Variants in DOCK4 observed in about 807,000 individuals in gnomAD.
The protein encoded by DOCK4 is dedicator of cytokinesis 4, also known as dedicator of cytokinesis protein 4.
In DOCK4, 97 loss-of-function variants were observed where a neutral mutation model predicts 268.1. The ratio of observed to expected loss-of-function variants is 0.36; its 90% confidence interval spans 0.31 to 0.43. DOCK4 has a LOEUF of 0.43. Ranked by LOEUF, DOCK4 falls within the 20% of genes least tolerant of loss-of-function variation. The pLI, the probability that DOCK4 is intolerant of heterozygous loss-of-function variation, is 1.00. For missense variants in DOCK4, 2,145 were observed against 2,455.7 expected (o/e 0.87, Z 2.67); for synonymous variants, 954 against 887.2 (o/e 1.08, Z -1.34).
intron 1 of DOCK4, among the ~76,000 whole-genome samples, chr7:112,187,649 T>G (rs73440639): frequency 0.017 from 2,537 of 152,158 alleles, 77 homozygotes; most frequent in African/African-American, 0.057. Context: ...AGGTGGAAAA[T>G]AAGAATGTCA....
rs950914396 is a variant in DOCK4 at position 111,999,548 on chromosome 7, C to T, written c.162+946G>A. On this transcript the variant is annotated intron_variant, in intron 3 of 52. Transcript: ENST00000428084. ...AATACTGAAGCTATATTTGCATGTG[C>T]CTCATAGATATATAAAAACAATGTT... Among the ~76,000 whole-genome samples the T allele has an allele frequency of 5.3e-5, 8 of 151,668 alleles. No homozygotes were observed. In the South Asian group the frequency reaches 1.7e-3, roughly 32 times the overall value.
At chr7:111,837,247 A>G (rs1454524133) in intron 25 of DOCK4, among the ~76,000 whole-genome samples, 2 of 152,172 alleles carry the variant, frequency 1.3e-5, no homozygotes, top group East Asian at 3.9e-4. Context: ...GAGAACTAAA[A>G]GGAAAAAAAA....
chr7:112,023,533 G>C (rs1802521009), intron 1 of DOCK4: 1 of 389,714 alleles, frequency 2.6e-6, no homozygotes, highest in Non-Finnish European at 5.0e-6. Context: ...CACAACATTA[G>C]ATGACATCAT....
intron 12 of DOCK4, chr7:111,935,322 G>T (rs191969555): frequency 4.1e-5 from 24 of 582,862 alleles, no homozygotes; most frequent in African/African-American, 3.8e-4. Flanking sequence ...TATCTTTTTC[G>T]TTTCAACAAG....
At chr7:111,863,108 G>C in intron 23 of DOCK4, 1 of 425,202 alleles carries the variant, frequency 2.4e-6, no homozygotes, top group African/African-American at 2.0e-5. Context: ...TCAGGTACCT[G>C]TAAGCATCTC....
chr7:112,027,897 T>G (rs1408927956), intron 1 of DOCK4, among the ~76,000 whole-genome samples: 1 of 152,158 alleles, frequency 6.6e-6, no homozygotes, highest in African/African-American at 2.4e-5. Flanking sequence ...TTTTCCGAAC[T>G]CACAGTCTAG....
chr7:112,118,133 A>AAT (rs71867772), intron 1 of DOCK4, among the ~76,000 whole-genome samples: 48,345 of 148,456 alleles, frequency 0.33, 7,831 homozygotes, highest in African/African-American at 0.36. Context: ...TCTTATTTAT[A>AAT]ATATATATAT....
intron 1 of DOCK4, among the ~76,000 whole-genome samples, chr7:112,098,470 T>C (rs259302): frequency 0.92 from 138,858 of 151,180 alleles, 63,978 homozygotes; most frequent in East Asian, 1. Flanking sequence ...AGCCACAGCG[T>C]CCAGCCTATA....
intron 30 of DOCK4, among the ~76,000 whole-genome samples, chr7:111,792,688 G>A (rs1164842334): frequency 1.3e-5 from 2 of 152,048 alleles, no homozygotes; most frequent in African/African-American, 2.4e-5. Context: ...TGGCTTACAG[G>A]GTTTTTTTTA....
At chr7:111,972,309 G>A (rs1797778022) in intron 8 of DOCK4, among the ~76,000 whole-genome samples, 1 of 151,448 alleles carries the variant, frequency 6.6e-6, no homozygotes, top group South Asian at 2.1e-4. Context: ...CAGAGCACGG[G>A]GTCTGCAGCT....
intron 1 of DOCK4, among the ~76,000 whole-genome samples, chr7:112,072,811 T>C (rs1282323927): frequency 6.6e-6 from 1 of 152,202 alleles, no homozygotes; most frequent in Non-Finnish European, 1.5e-5. Flanking sequence ...AAATGCACAC[T>C]AAGAGGTAAA....
Position 111,726,269 on chromosome 7 carries a change from A to C in DOCK4, c.*2005T>G, listed in dbSNP as rs1794650178. The C allele has an allele frequency of 6.6e-6, 1 of 152,652 alleles. No individual in the cohort carries two copies. Among genetic ancestry groups the C allele is most frequent in the South Asian group, 2.1e-4 (1 of 4,832 alleles). 9.5% of individuals were successfully genotyped at this position (152,652 alleles called of 1,614,324 possible). A position where few individuals can be genotyped will look rare whatever the true frequency, so the allele number is the denominator to read the frequency against. On this transcript the variant is annotated 3_prime_UTR_variant, in exon 53 of 53. Coordinates refer to ENST00000428084, the MANE Select transcript of DOCK4 (RefSeq NM_001363540.2). ...GATAAATTCAACTGCTCACTGCCAA[A>C]ATTTTTTTTAAAAAATGGCTCCAAG...
intron 23 of DOCK4, among the ~76,000 whole-genome samples, chr7:111,861,969 G>A (rs935238491): frequency 1.3e-5 from 2 of 151,886 alleles, no homozygotes; most frequent in Non-Finnish European, 2.9e-5. Flanking sequence ...CTAGACAGGA[G>A]GACCTTGAGT....
chr7:111,866,526 T>C (rs990904622), intron 22 of DOCK4, among the ~76,000 whole-genome samples: 1 of 152,220 alleles, frequency 6.6e-6, no homozygotes, highest in Non-Finnish European at 1.5e-5. Context: ...AAGTTGTTTC[T>C]AAAATTTGCT....
intron 1 of DOCK4, among the ~76,000 whole-genome samples, chr7:112,033,776 T>C (rs1432213412): frequency 1.3e-5 from 2 of 152,206 alleles, no homozygotes; most frequent in Non-Finnish European, 2.9e-5. Flanking sequence ...AGCCACTACA[T>C]TCCTGTTGAA....
At chr7:112,044,109 G>C (rs1277059328) in intron 1 of DOCK4, among the ~76,000 whole-genome samples, 1 of 152,140 alleles carries the variant, frequency 6.6e-6, no homozygotes, top group African/African-American at 2.4e-5. Flanking sequence ...CTGAAGCACA[G>C]AGAAGCTATA....
chr7:112,183,412 A>G (rs1007276487), intron 1 of DOCK4, among the ~76,000 whole-genome samples: 1 of 152,186 alleles, frequency 6.6e-6, no homozygotes, highest in Non-Finnish European at 1.5e-5. Flanking sequence ...ATTGATGAGA[A>G]AAGCATTCCA....
intron 1 of DOCK4, among the ~76,000 whole-genome samples, chr7:112,063,785 A>G (rs889153247): frequency 6.6e-6 from 1 of 152,188 alleles, no homozygotes; most frequent in Non-Finnish European, 1.5e-5. Context: ...ATGAATATAG[A>G]GCCTACTTAT....
intron 1 of DOCK4, among the ~76,000 whole-genome samples, chr7:112,128,978 C>A (rs112447504): frequency 3.9e-5 from 6 of 152,142 alleles, no homozygotes; most frequent in Non-Finnish European, 8.8e-5. Context: ...ATAGTCACTG[C>A]GGAAAGCAGG....
Sources: allele counts gnomAD v4.1 joint callset (sites outside exome capture counted in the v4.1 genomes callset), GRCh38; gene constraint gnomAD v4.1.1; transcripts MANE v1.5; gene names NCBI Gene and HGNC (gene_info 2026-07-23, HGNC 2026-07-21).